PSMG2: variants seen among roughly 807,000 people sequenced by gnomAD.
The protein encoded by PSMG2 is proteasome assembly chaperone 2, also known as CD40 ligand-activated specific transcript 3.
PSMG2 carries 21 observed loss-of-function variants against 31.5 expected under a neutral mutation model. That is an observed-to-expected ratio of 0.67 (90% CI 0.47 to 0.96). The LOEUF (loss-of-function observed/expected upper bound fraction) is 0.96. Ranked by LOEUF, PSMG2 falls within the 40% of genes least tolerant of loss-of-function variation. The pLI is 0.00. For synonymous variants in PSMG2, 120 were observed against 110.4 expected, an observed-to-expected ratio of 1.09 and a Z score of -0.54; for missense variants, 318 against 321.2, an observed-to-expected ratio of 0.99 and a Z score of 0.08.
At chr18:12,721,016 T>A (rs569293907) in intron 5 of PSMG2, among the ~76,000 whole-genome samples, 103 of 152,116 alleles carry the variant, frequency 6.8e-4, no homozygotes, top group Admixed American at 1.8e-3. Context: ...CTGTATCTAC[T>A]AAAAATACAA....
intron 4 of PSMG2, among the ~76,000 whole-genome samples, chr18:12,719,475 C>T (rs1251745427): frequency 1.3e-5 from 2 of 151,274 alleles, no homozygotes; most frequent in Non-Finnish European, 3.0e-5. Context: ...GCAACCTCCA[C>T]CTCCTGGATT....
At chr18:12,677,215 G>A (rs1403517183) in intron 1 of PSMG2, among the ~76,000 whole-genome samples, 1 of 152,116 alleles carries the variant, frequency 6.6e-6, no homozygotes, top group African/African-American at 2.4e-5. Context: ...CACTTTGGGA[G>A]GCTGAGGCAG....
intron 1 of PSMG2, among the ~76,000 whole-genome samples, chr18:12,669,222 C>G (rs192744192): frequency 6.6e-6 from 1 of 151,658 alleles, no homozygotes; most frequent in African/African-American, 2.4e-5. Context: ...AAGCGATTCT[C>G]CTGTCTCAGC....
chr18:12,714,655 G>A (rs901945523), intron 3 of PSMG2, among the ~76,000 whole-genome samples: 2 of 151,472 alleles, frequency 1.3e-5, no homozygotes, highest in African/African-American at 4.9e-5. Flanking sequence ...CACCACACCC[G>A]GCTAATTTTT....
At chr18:12,673,346 T>C in intron 1 of PSMG2, 2 of 1,592,692 alleles carry the variant, frequency 1.3e-6, no homozygotes, top group Non-Finnish European at 1.7e-6. Flanking sequence ...CAGGTATAAA[T>C]CTTATATAAA....
At chr18:12,682,301 C>T (rs1338041452) in intron 1 of PSMG2, among the ~76,000 whole-genome samples, 1 of 151,984 alleles carries the variant, frequency 6.6e-6, no homozygotes, top group African/African-American at 2.4e-5. Flanking sequence ...GTGATTCCCC[C>T]GCCTCAGCCT....
intron 3 of PSMG2, among the ~76,000 whole-genome samples, chr18:12,713,611 C>T (rs538388669): frequency 1.2e-4 from 18 of 152,228 alleles, no homozygotes; most frequent in African/African-American, 2.4e-4. Flanking sequence ...GGAGAGTCAG[C>T]TTGCGACACC....
upstream of PSMG2, chr18:12,700,991 A>G: frequency 6.2e-7 from 1 of 1,613,190 alleles, no homozygotes; most frequent in South Asian, 1.1e-5. Flanking sequence ...TCACATCGTC[A>G]ATGATTCCTC....
chr18:12,680,866 T>G, intron 1 of PSMG2: 1 of 1,550,346 alleles, frequency 6.5e-7, no homozygotes, highest in Non-Finnish European at 8.8e-7. Context: ...CATTCTTCCA[T>G]ATTATTTCCT....
At chr18:12,683,066 C>T (rs1009917965) in intron 1 of PSMG2, among the ~76,000 whole-genome samples, 2 of 151,732 alleles carry the variant, frequency 1.3e-5, no homozygotes, top group Admixed American at 6.6e-5. Context: ...AACTTTATGG[C>T]CAGGTGTGCC....
intron 1 of PSMG2, among the ~76,000 whole-genome samples, chr18:12,696,589 C>G (rs2039965932): frequency 6.6e-6 from 1 of 152,030 alleles, no homozygotes; most frequent in Admixed American, 6.6e-5. Context: ...GTTTAAAAAC[C>G]AAAGTAATTC....
chr18:12,668,554 C>T (rs1342343604), intron 1 of PSMG2, among the ~76,000 whole-genome samples: 4 of 131,756 alleles, frequency 3.0e-5, no homozygotes, highest in African/African-American at 1.1e-4. Flanking sequence ...GCCAAGATTG[C>T]ACCACTGCAC....
chr18:12,670,442 A>G (rs934151533), intron 1 of PSMG2: 25 of 152,212 alleles, frequency 1.6e-4, no homozygotes, highest in Admixed American at 3.3e-4. Context: ...CATAAAAAGC[A>G]TATTTATTAC....
chr18:12,660,920 T>C (rs1431313751), intron 1 of PSMG2, among the ~76,000 whole-genome samples: 1 of 152,230 alleles, frequency 6.6e-6, no homozygotes, highest in Non-Finnish European at 1.5e-5. Context: ...CTAGCTGTCT[T>C]CTAAGTGTAG....
rs1442049645 is a variant in PSMG2, at chr18:12,725,629, AT to A, written c.*100del. 1.3e-6 allele frequency: 1 copy of A among 795,246 alleles called. No homozygotes were observed. The highest frequency in any genetic ancestry group is 1.9e-6 in the Non-Finnish European group (1 of 533,028). 49.3% of individuals were successfully genotyped at this position (795,246 alleles called of 1,614,324 possible). The stretch of plus-strand genomic sequence containing the variant: ...AAATTGTATGATCTGGTATTAGGAA[AT>A]TACTTTCACAGTAAATATCAAAGAA... On this transcript the variant is annotated 3_prime_UTR_variant, in exon 7 of 7. Coordinates refer to ENST00000317615, the MANE Select transcript of PSMG2 (RefSeq NM_020232.5).
At chr18:12,700,803 A>G (rs577790361), upstream of PSMG2, among the ~76,000 whole-genome samples, 1 of 152,322 alleles carries the variant, frequency 6.6e-6, no homozygotes, top group East Asian at 1.9e-4. Context: ...TCAAGGGCAG[A>G]GCTAGCCTAT....
chr18:12,694,715 T>C (rs533438239), intron 1 of PSMG2, among the ~76,000 whole-genome samples: 1 of 149,748 alleles, frequency 6.7e-6, no homozygotes, highest in Admixed American at 6.6e-5. Context: ...ATTCTTTTTT[T>C]TTTTTTCTTT....
upstream of PSMG2, chr18:12,698,961 T>G: frequency 6.6e-7 from 1 of 1,524,828 alleles, no homozygotes; most frequent in Non-Finnish European, 9.0e-7. Context: ...TAAATGACAA[T>G]TTATTACTGT....
At chr18:12,706,962 T>A (rs75337161) in intron 2 of PSMG2, among the ~76,000 whole-genome samples, 4,066 of 152,208 alleles carry the variant, frequency 0.027, 190 homozygotes, top group African/African-American at 0.092. Context: ...CTTTTTTTTT[T>A]TTATTATTTT....
Sources: gnomAD v4.1 joint callset for allele counts (sites outside exome capture counted in the v4.1 genomes callset) on GRCh38, gnomAD v4.1.1 for gene constraint, MANE v1.5 for transcripts, NCBI Gene and HGNC (gene_info 2026-07-23, HGNC 2026-07-21) for gene names.